ZRANB3: variants seen among roughly 807,000 people sequenced by gnomAD.
The protein encoded by ZRANB3 is zinc finger RANBP2-type containing 3.
In ZRANB3, 125 loss-of-function variants were observed where a neutral mutation model predicts 133.8. That is an observed-to-expected ratio of 0.93 (90% CI 0.81 to 1.08). ZRANB3 has a LOEUF of 1.08. ZRANB3 is among the 50% of genes least tolerant of loss of function. ZRANB3 has a pLI of 0.00. For missense variants in ZRANB3, 1,229 were observed against 1,275.5 expected (o/e 0.96, Z 0.56); for synonymous variants, 387 against 432.7 (o/e 0.89, Z 1.31).
chr2:135,455,588 TC>T (rs1690476678), intron 2 of ZRANB3, among the ~76,000 whole-genome samples: 2 of 149,884 alleles, frequency 1.3e-5, no homozygotes, highest in Admixed American at 6.6e-5. Flanking sequence ...TTGATTTTTT[TC>T]TTTTTTTTTT....
At chr2:135,477,335 T>C (rs1255460019) in intron 2 of ZRANB3, among the ~76,000 whole-genome samples, 3 of 152,370 alleles carry the variant, frequency 2.0e-5, no homozygotes, top group East Asian at 3.9e-4. Flanking sequence ...GTCTTAGTTA[T>C]GCTGATTATT....
chr2:135,486,007 C>T (rs1342157485), intron 2 of ZRANB3, among the ~76,000 whole-genome samples: 1 of 152,132 alleles, frequency 6.6e-6, no homozygotes, highest in Non-Finnish European at 1.5e-5. Context: ...TTCACAAATA[C>T]ACATATCCAG....
chr2:135,481,177 G>T (rs1169458115), intron 2 of ZRANB3, among the ~76,000 whole-genome samples: 1 of 151,270 alleles, frequency 6.6e-6, no homozygotes, highest in Non-Finnish European at 1.5e-5. Context: ...CTAGATCCCT[G>T]AGGAATCGCC....
intron 12 of ZRANB3, among the ~76,000 whole-genome samples, chr2:135,236,616 G>T (rs1695297370): frequency 6.6e-6 from 1 of 152,080 alleles, no homozygotes; most frequent in East Asian, 1.9e-4. Context: ...ACAGAACAGA[G>T]CCCTCAGAAA....
intron 2 of ZRANB3, among the ~76,000 whole-genome samples, chr2:135,460,405 G>A (rs1458056008): frequency 6.6e-6 from 1 of 151,928 alleles, no homozygotes; most frequent in Non-Finnish European, 1.5e-5. Context: ...GGGATTACAG[G>A]TGCCCGCCAC....
chr2:135,257,345 T>C (rs1021179371), intron 12 of ZRANB3, among the ~76,000 whole-genome samples: 1 of 152,218 alleles, frequency 6.6e-6, no homozygotes, highest in Non-Finnish European at 1.5e-5. Context: ...CATTCATCAA[T>C]TTATAACTTT....
At chr2:135,264,375 G>A (rs1487771899) in intron 12 of ZRANB3, among the ~76,000 whole-genome samples, 1 of 151,058 alleles carries the variant, frequency 6.6e-6, no homozygotes, top group Admixed American at 6.6e-5. Context: ...GGGAGACTGA[G>A]GCAGGAGAAT....
intron 12 of ZRANB3, among the ~76,000 whole-genome samples, chr2:135,261,293 G>A (rs1473520052): frequency 2.6e-5 from 4 of 152,110 alleles, no homozygotes; most frequent in African/African-American, 7.2e-5. Context: ...TTAATCAGTA[G>A]ACTAAATTTC....
At chr2:135,385,797 C>A (rs553464676) in intron 3 of ZRANB3, among the ~76,000 whole-genome samples, 1 of 151,938 alleles carries the variant, frequency 6.6e-6, no homozygotes, top group Non-Finnish European at 1.5e-5. Flanking sequence ...TGTAGAAAGC[C>A]GAAACTGGAT....
chr2:135,414,339 G>A (rs1301782020), intron 2 of ZRANB3, among the ~76,000 whole-genome samples: 1 of 152,078 alleles, frequency 6.6e-6, no homozygotes, highest in African/African-American at 2.4e-5. Context: ...AACCAACAAA[G>A]ATCAAGAGAG....
chr2:135,219,947 C>T (rs1021353789), intron 15 of ZRANB3, among the ~76,000 whole-genome samples: 3 of 152,096 alleles, frequency 2.0e-5, no homozygotes, highest in Non-Finnish European at 2.9e-5. Flanking sequence ...TCTCAGCTCA[C>T]TGCAGCCTCA....
At chr2:135,288,310 T>G (rs545627832) in intron 8 of ZRANB3, among the ~76,000 whole-genome samples, 21 of 152,330 alleles carry the variant, frequency 1.4e-4, no homozygotes, top group Non-Finnish European at 2.5e-4. Context: ...ATTATCTTTT[T>G]GATATACTGT....
At chr2:135,439,962 A>T (rs1341330564) in intron 2 of ZRANB3, among the ~76,000 whole-genome samples, 1 of 152,176 alleles carries the variant, frequency 6.6e-6, no homozygotes, top group Non-Finnish European at 1.5e-5. Context: ...ATATTCTAGA[A>T]CCATAATTAA....
intron 2 of ZRANB3, among the ~76,000 whole-genome samples, chr2:135,402,853 G>A (rs991835512): frequency 7.2e-5 from 11 of 152,202 alleles, no homozygotes; most frequent in Middle Eastern, 3.4e-3. Flanking sequence ...ACCAAAGTGC[G>A]AGGATTACAG....
chr2:135,437,093 G>A (rs777592179), intron 2 of ZRANB3, among the ~76,000 whole-genome samples: 3 of 152,254 alleles, frequency 2.0e-5, no homozygotes, highest in Non-Finnish European at 4.4e-5. Context: ...CTAAGTAGCT[G>A]GGATTACAGG....
At chr2:135,315,612 A>C in intron 6 of ZRANB3, 82 bp from the exon 7 acceptor site, 1 of 993,564 alleles carries the variant, frequency 1.0e-6, no homozygotes, top group Non-Finnish European at 1.4e-6. Context: ...TCTTCCTTTT[A>C]ATGATAAGGA....
At chr2:135,414,811 T>C (rs1431211199) in intron 2 of ZRANB3, among the ~76,000 whole-genome samples, 7 of 152,046 alleles carry the variant, frequency 4.6e-5, no homozygotes, top group Admixed American at 2.0e-4. Context: ...CACTCAAAAC[T>C]GCTCAACTAC....
intron 2 of ZRANB3, among the ~76,000 whole-genome samples, chr2:135,426,422 GCACAGA>G (rs1019446240): frequency 1.3e-5 from 2 of 152,122 alleles, no homozygotes; most frequent in African/African-American, 2.4e-5. Flanking sequence ...TCCTTGATGT[GCACAGA>G]TGCAAAAATC....
At chr2:135,424,009 C>T (rs1043718467) in intron 2 of ZRANB3, among the ~76,000 whole-genome samples, 3 of 152,114 alleles carry the variant, frequency 2.0e-5, no homozygotes, top group Admixed American at 1.3e-4. Context: ...AGATGGATCA[C>T]TAGACATTTA....
Sources: allele counts gnomAD v4.1 joint callset (sites outside exome capture counted in the v4.1 genomes callset), GRCh38; gene constraint gnomAD v4.1.1; transcripts MANE v1.5; gene names NCBI Gene and HGNC (gene_info 2026-07-23, HGNC 2026-07-21).